SPOCK1: variants seen among roughly 807,000 people sequenced by gnomAD.
SPOCK1 encodes testican-1.
Under a neutral mutation model 55.3 loss-of-function variants are expected in SPOCK1, and 23 were observed. The ratio of observed to expected loss-of-function variants is 0.42; its 90% CI spans 0.30 to 0.59. The LOEUF is 0.59. Among genes scored for constraint, SPOCK1 ranks in the 20% least tolerant of loss-of-function variants. The probability of loss-of-function intolerance (pLI) is 0.22; values close to 1 mark genes in which losing one functional copy is unlikely to be tolerated. For synonymous variants in SPOCK1, 226 were observed against 221.0 expected, an observed-to-expected ratio of 1.02 and a Z score of -0.20; for missense variants, 499 against 552.5, an observed-to-expected ratio of 0.90 and a Z score of 0.97.
At chr5:137,178,290 T>C (rs1229296583) in intron 3 of SPOCK1, among the ~76,000 whole-genome samples, 1 of 152,236 alleles carries the variant, frequency 6.6e-6, no homozygotes, top group Non-Finnish European at 1.5e-5. Context: ...GCTTGGCACA[T>C]GGTAAACACA....
At chr5:137,498,291 C>A (rs1754342772) in intron 2 of SPOCK1, 82 bp downstream of exon 2, 3 of 1,366,120 alleles carry the variant, frequency 2.2e-6, no homozygotes, top group African/African-American at 3.0e-5. Context: ...CACACACACA[C>A]ACACACACAC....
At chr5:137,317,579 CA>C (rs1757902843) in intron 2 of SPOCK1, among the ~76,000 whole-genome samples, 1 of 152,124 alleles carries the variant, frequency 6.6e-6, no homozygotes, top group Admixed American at 6.5e-5. Context: ...ACATCCTTGT[CA>C]AAAAAGCCTC....
intron 3 of SPOCK1, among the ~76,000 whole-genome samples, chr5:137,177,976 C>A (rs562018593): frequency 1.3e-5 from 2 of 152,216 alleles, no homozygotes; most frequent in South Asian, 2.1e-4. Context: ...CCTCAAGGAC[C>A]ACATGTTGAG....
At chr5:137,445,837 C>A (rs2149833301) in intron 2 of SPOCK1, among the ~76,000 whole-genome samples, 1 of 152,304 alleles carries the variant, frequency 6.6e-6, no homozygotes, top group African/African-American at 2.4e-5. Flanking sequence ...GACATACAAT[C>A]ACTTCAAGCT....
At chr5:137,391,244 G>A (rs1350507635) in intron 2 of SPOCK1, among the ~76,000 whole-genome samples, 3 of 152,136 alleles carry the variant, frequency 2.0e-5, no homozygotes, top group African/African-American at 7.2e-5. Flanking sequence ...TCCTTTTTAT[G>A]GCTGCATAGT....
At chr5:137,258,995 C>A (rs1756693167) in intron 3 of SPOCK1, among the ~76,000 whole-genome samples, 1 of 152,070 alleles carries the variant, frequency 6.6e-6, no homozygotes, top group African/African-American at 2.4e-5. Context: ...GAAATGGAAC[C>A]TACACAGTTC....
intron 2 of SPOCK1, among the ~76,000 whole-genome samples, chr5:137,291,926 G>C (rs981166063): frequency 4.6e-5 from 7 of 152,216 alleles, no homozygotes; most frequent in Non-Finnish European, 1.0e-4. Context: ...GGATGCCAGA[G>C]AGAAAGGGTT....
At chr5:137,079,305 C>T (rs1351072052) in intron 5 of SPOCK1, among the ~76,000 whole-genome samples, 1 of 152,230 alleles carries the variant, frequency 6.6e-6, no homozygotes, top group Non-Finnish European at 1.5e-5. Context: ...AAATGTTGGA[C>T]AGCTATATAG....
intron 5 of SPOCK1, 150 bp from the exon 6 acceptor site, chr5:137,067,979 A>G: frequency 1.7e-6 from 1 of 589,886 alleles, no homozygotes; most frequent in Non-Finnish European, 3.0e-6. Flanking sequence ...ATTACAGAAT[A>G]CTAAATAAGA....
At chr5:137,396,099 T>C (rs1003877525) in intron 2 of SPOCK1, among the ~76,000 whole-genome samples, 4 of 152,178 alleles carry the variant, frequency 2.6e-5, no homozygotes, top group African/African-American at 7.2e-5. Flanking sequence ...TAGAGACAGA[T>C]GGAGATTTTA....
intron 6 of SPOCK1, among the ~76,000 whole-genome samples, chr5:137,029,645 A>G (rs1055458262): frequency 4.6e-5 from 7 of 152,250 alleles, no homozygotes; most frequent in Non-Finnish European, 5.9e-5. Context: ...GCCAGAGATC[A>G]TGCTAGGGTC....
At chr5:137,078,079 AAGG>A (rs768495705) in intron 5 of SPOCK1, among the ~76,000 whole-genome samples, 9 of 152,256 alleles carry the variant, frequency 5.9e-5, no homozygotes, top group East Asian at 1.9e-4. Flanking sequence ...GAAGAAATAC[AAGG>A]AGGAGAACAG....
intron 5 of SPOCK1, among the ~76,000 whole-genome samples, chr5:137,105,003 G>A (rs1340823302): frequency 6.6e-6 from 1 of 152,108 alleles, no homozygotes; most frequent in Non-Finnish European, 1.5e-5. Flanking sequence ...CTGCCTTATT[G>A]GACTGTTGGT....
intron 3 of SPOCK1, among the ~76,000 whole-genome samples, chr5:137,225,927 C>T (rs368511948): frequency 6.6e-5 from 10 of 152,210 alleles, no homozygotes; most frequent in South Asian, 4.1e-4. Flanking sequence ...AGGTCTCCCC[C>T]CAGAGAGCAC....
intron 3 of SPOCK1, among the ~76,000 whole-genome samples, chr5:137,156,316 C>A (rs1754415478): frequency 6.6e-6 from 1 of 152,196 alleles, no homozygotes; most frequent in African/African-American, 2.4e-5. Context: ...AAATAAACAA[C>A]CACACTGCTT....
intron 2 of SPOCK1, among the ~76,000 whole-genome samples, chr5:137,271,252 A>G (rs1416824959): frequency 6.6e-6 from 1 of 151,420 alleles, no homozygotes; most frequent in African/African-American, 2.4e-5. Flanking sequence ...TAGTACTGAA[A>G]CCTGTGAAAT....
At chr5:137,225,603 C>T (rs972374834) in intron 3 of SPOCK1, among the ~76,000 whole-genome samples, 10 of 152,152 alleles carry the variant, frequency 6.6e-5, no homozygotes, top group African/African-American at 2.4e-4. Context: ...TAGGGCATGC[C>T]ACACGATGCC....
chr5:137,374,208 C>G (rs575133309), intron 2 of SPOCK1, among the ~76,000 whole-genome samples: 1 of 152,336 alleles, frequency 6.6e-6, no homozygotes, highest in African/African-American at 2.4e-5. Context: ...CTCCAAAAGA[C>G]CAATTTGGCT....
At chr5:137,081,980 C>A (rs946855144) in intron 5 of SPOCK1, among the ~76,000 whole-genome samples, 2 of 152,222 alleles carry the variant, frequency 1.3e-5, no homozygotes, top group Non-Finnish European at 2.9e-5. Context: ...TGCAACATGT[C>A]TGATCTCATT....
Sources: allele counts gnomAD v4.1 joint callset (sites outside exome capture counted in the v4.1 genomes callset), GRCh38; gene constraint gnomAD v4.1.1; transcripts MANE v1.5; gene names NCBI Gene and HGNC (gene_info 2026-07-23, HGNC 2026-07-21).